RPS6KA2: variants seen among roughly 807,000 people sequenced by gnomAD.
RPS6KA2 encodes the protein ribosomal protein S6 kinase alpha-2.
A neutral mutation model predicts 91.8 loss-of-function variants in RPS6KA2; 42 were observed. The observed-to-expected ratio is 0.46, with a 90% CI of 0.36 to 0.59. The LOEUF (loss-of-function observed/expected upper bound fraction) is 0.59, where lower values mean the gene tolerates loss of function less well. Among genes scored for constraint, RPS6KA2 ranks in the 20% least tolerant of loss-of-function variants. RPS6KA2 has a pLI of 0.00. For missense variants in RPS6KA2, 798 were observed against 978.5 expected, an observed-to-expected ratio of 0.82 and a Z score of 2.46; for synonymous variants, 414 against 393.6, an observed-to-expected ratio of 1.05 and a Z score of -0.61.
chr6:166,451,061 G>C, intron 13 of RPS6KA2, 42 bp downstream of exon 13: 1 of 1,610,918 alleles, frequency 6.2e-7, no homozygotes, highest in Non-Finnish European at 8.5e-7. Context: ...CATCATCCAA[G>C]TGCCCTCTTA....
rs947709903 is a variant in RPS6KA2 at position 166,612,213 on chromosome 6, G to A, written c.99+14708C>T. Among the ~76,000 whole-genome samples the A allele has an allele frequency of 2.6e-5, 4 of 152,110 alleles. No individual in the cohort carries two copies. Among genetic ancestry groups the A allele is most frequent in the Admixed American group, 2.6e-4 (4 of 15,276 alleles). ...TCTGGGGGGGCTCTAGGAAAAGCCT[G>A]GAAGAGACTCTCTGTGGGAAGCTCA... On this transcript the variant is annotated intron_variant, in intron 1 of 20. Transcript: ENST00000265678. This position sits in a 1 kb window ranked among gnomAD's most constrained non-coding sequence, Gnocchi z 4.3.
Position 166,699,352 on chromosome 6 carries a change from G to A in RPS6KA2, c.123+158848C>T, listed in dbSNP as rs1390255515. On this transcript the variant is annotated intron_variant, in intron 2 of 21. Transcript: ENST00000503859. ...AAGCAAGAAGAATCTTGAGAGAAGA[G>A]TCAAAGGTAAAAGGGCATTTTTTTG... 2.6e-5 allele frequency among the ~76,000 whole-genome samples: 4 copies of A among 152,200 alleles called. No individual in the cohort carries two copies. In the East Asian group the frequency reaches 7.7e-4, roughly 29 times the overall value.
Position 166,709,573 on chromosome 6 carries a change from C to T in RPS6KA2, c.123+148627G>A, listed in dbSNP as rs1051345260. On this transcript the variant is annotated intron_variant, in intron 2 of 21. Transcript: ENST00000503859. ...GTTATTCTTTACATCATCTTTCTTTCTTCATAAAAGTCAGAATCTCAAAGG... is the reference window on the plus strand; with the variant it reads ...GTTATTCTTTACATCATCTTTCTTTTTTCATAAAAGTCAGAATCTCAAAGG... 2.6e-5 allele frequency among the ~76,000 whole-genome samples: 4 copies of T among 152,346 alleles called. No homozygotes were observed. In the East Asian group the frequency reaches 7.7e-4, roughly 29 times the overall value.
intron 1 of RPS6KA2, among the ~76,000 whole-genome samples, chr6:166,561,839 G>A (rs1326245697): frequency 6.6e-6 from 1 of 152,124 alleles, no homozygotes; most frequent in Non-Finnish European, 1.5e-5. Context: ...TGAGAGGGAG[G>A]CTCTGGAGCA....
At chr6:166,487,339 T>C (rs1393864734) in intron 10 of RPS6KA2, among the ~76,000 whole-genome samples, 1 of 152,098 alleles carries the variant, frequency 6.6e-6, no homozygotes, top group Non-Finnish European at 1.5e-5. Flanking sequence ...GAGCTCACCG[T>C]GTCACCTGCT....
At chr6:166,793,538 A>G (rs1779149059) in intron 2 of RPS6KA2, among the ~76,000 whole-genome samples, 1 of 149,154 alleles carries the variant, frequency 6.7e-6, no homozygotes, top group Admixed American at 6.7e-5. Flanking sequence ...AAGAGCCCGC[A>G]TCGCCAAGTC....
chr6:166,786,182 CCT>C (rs563052224), intron 2 of RPS6KA2, among the ~76,000 whole-genome samples: 257 of 152,234 alleles, frequency 1.7e-3, no homozygotes, highest in Non-Finnish European at 2.3e-3. Context: ...TGAACAGTCT[CCT>C]TTTATTTTGC....
upstream of RPS6KA2, chr6:166,862,562 CCTCTCCCCCCTCCCTTCCCTGGCCACG>C (rs1438895960): frequency 7.7e-6 from 2 of 261,042 alleles, no homozygotes; most frequent in Non-Finnish European, 1.5e-5. Flanking sequence ...GAATTTCCTG[CCTCTCCCCCCTCCCTTCCCTGGCCACG>C]CTCTTCCCTC....
chr6:166,858,781 C>T (rs1780975421), intron 1 of RPS6KA2, among the ~76,000 whole-genome samples: 1 of 152,252 alleles, frequency 6.6e-6, no homozygotes, highest in African/African-American at 2.4e-5. Flanking sequence ...GTGGTTGGCA[C>T]AAGGTTTAAG....
chr6:166,632,611 CAA>C (rs34051695), intron 2 of RPS6KA2, among the ~76,000 whole-genome samples: 17,072 of 119,380 alleles, frequency 0.14, 1,135 homozygotes, highest in Non-Finnish European at 0.19. Context: ...AACTCCATCT[CAA>C]AAAAAAAAAA....
chr6:166,427,834 A>G (rs542401529), intron 16 of RPS6KA2, among the ~76,000 whole-genome samples: 4 of 152,364 alleles, frequency 2.6e-5, no homozygotes, highest in Admixed American at 2.6e-4. Flanking sequence ...TTCCATGCTC[A>G]TGGGTAGGAA....
At chr6:166,617,729 T>C (rs943812550) in intron 1 of RPS6KA2, among the ~76,000 whole-genome samples, 1 of 152,214 alleles carries the variant, frequency 6.6e-6, no homozygotes, top group Non-Finnish European at 1.5e-5. Context: ...CTAAATGACC[T>C]CCAAGGACTT....
At chr6:166,668,098 T>C (rs115222929) in intron 2 of RPS6KA2, among the ~76,000 whole-genome samples, 1 of 152,184 alleles carries the variant, frequency 6.6e-6, no homozygotes, top group African/African-American at 2.4e-5. Context: ...CAATGCCAGG[T>C]TCCTGGAGAG....
At chr6:166,633,845 T>C (rs1787154142) in intron 2 of RPS6KA2, among the ~76,000 whole-genome samples, 1 of 152,112 alleles carries the variant, frequency 6.6e-6, no homozygotes, top group African/African-American at 2.4e-5. Flanking sequence ...AATGATCAGA[T>C]ACAAAAATAT....
At position 166,454,553 on chromosome 6, in the gene RPS6KA2, T is replaced by G. The variant is rs751692168; in HGVS notation, c.1076-3320A>C. On this transcript the variant is annotated intron_variant, in intron 12 of 20. Transcript: ENST00000265678. ...GAAAAAATCCCAAAGTACTTAGACA[T>G]AAATGTAGAAAAAGTCTGTTTCAGT... 3.4e-4 allele frequency among the ~76,000 whole-genome samples: 51 copies of G among 151,952 alleles called. 1 individual carries two copies. The highest frequency in any genetic ancestry group is 1.8e-3 in the Admixed American group (27 of 15,266).
At chr6:166,692,098 T>C (rs1036800605) in intron 2 of RPS6KA2, among the ~76,000 whole-genome samples, 2 of 151,902 alleles carry the variant, frequency 1.3e-5, no homozygotes, top group Non-Finnish European at 2.9e-5. Flanking sequence ...TTAAATGACA[T>C]GGAAGAGGAA....
intron 2 of RPS6KA2, among the ~76,000 whole-genome samples, chr6:166,833,561 C>T (rs562802172): frequency 9.2e-5 from 14 of 152,294 alleles, no homozygotes; most frequent in East Asian, 5.8e-4. Context: ...CAGTTTCCTC[C>T]GGCAGCCCAC....
intron 1 of RPS6KA2, among the ~76,000 whole-genome samples, chr6:166,562,103 C>T (rs960078229): frequency 2.0e-5 from 3 of 152,096 alleles, no homozygotes. Context: ...TTTTCAGAGT[C>T]CTTAGAGAAG....
At chr6:166,568,679 C>T (rs1014162393) in intron 1 of RPS6KA2, among the ~76,000 whole-genome samples, 10 of 125,314 alleles carry the variant, frequency 8.0e-5, no homozygotes, top group Non-Finnish European at 1.1e-4. Context: ...TTTTTACTGG[C>T]TACCATGTTT....
Sources: allele counts gnomAD v4.1 joint callset (sites outside exome capture counted in the v4.1 genomes callset), GRCh38; gene constraint gnomAD v4.1.1; non-coding constraint Gnocchi (gnomAD v3.1); transcripts MANE v1.5; gene names NCBI Gene and HGNC (gene_info 2026-07-23, HGNC 2026-07-21).